The following TUBGCP6 variants were observed in gnomAD, a reference collection of about 807,000 sequenced individuals.
The protein encoded by TUBGCP6 is tubulin gamma complex component 6.
TUBGCP6 carries 161 observed loss-of-function variants against 175.8 expected under a neutral mutation model. That is an observed-to-expected ratio of 0.92 (90% CI 0.81 to 1.04). The LOEUF (loss-of-function observed/expected upper bound fraction) is 1.04, where lower values mean the gene tolerates loss of function less well. TUBGCP6 is among the 50% of genes least tolerant of loss of function. The pLI is 0.00. For missense variants in TUBGCP6, 2,572 were observed against 2,433.0 expected, an observed-to-expected ratio of 1.06 and a Z score of -1.20; for synonymous variants, 1,173 against 1,030.5, an observed-to-expected ratio of 1.14 and a Z score of -2.65.
In TUBGCP6 at chr22:50,240,384, G is replaced by A. The variant is rs767808670; in HGVS notation, c.742-17C>T. ...CGGTGGGACCTGGAGACACAGGGAA[G>A]GGCAAACCGCCACTTATTGCTGTGT... is the stretch of plus-strand genomic sequence containing the variant. On this transcript the variant is annotated splice_polypyrimidine_tract_variant and intron_variant, in intron 1 of 24. Transcript: ENST00000248846. 1 of 1,611,082 alleles carries A rather than the reference G, an allele frequency of 6.2e-7. No individual in the cohort carries two copies. The highest frequency in any genetic ancestry group is 1.7e-5 in the Admixed American group (1 of 59,792).
In TUBGCP6 at chr22:50,221,646, C is replaced by T. The variant is rs1181737386; in HGVS notation, c.2713G>A (p.Gly905Arg). 2 of 1,524,952 alleles carry T rather than the reference C, an allele frequency of 1.3e-6. No individual in the cohort carries two copies. Among genetic ancestry groups the T allele is most frequent in the South Asian group, 1.3e-5 (1 of 76,526 alleles). 94.5% of individuals were successfully genotyped at this position (1,524,952 alleles called of 1,614,324 possible). A position where few individuals can be genotyped will look rare whatever the true frequency, so the allele number is the denominator to read the frequency against. Residue 905 changes from glycine (G) to arginine (R), a missense_variant, in exon 16 of 25, where the codon GGG (glycine) becomes AGG (arginine). Gly to Arg is a moderately radical substitution (Grantham distance 125). Coordinates refer to ENST00000248846, the MANE Select transcript of TUBGCP6 (RefSeq NM_020461.4). ...CCAGTCTGCACGGACGGCTCAGCCC[C>T]TGGGCCCACAGGTAGGAAGTCTCCA... ...SIGDFLPVGP[G>R]AEPSVQTGMV...
In TUBGCP6 at chr22:50,225,583, C is replaced by G. The variant is rs374708044; in HGVS notation, c.1983+211G>C. Among the ~76,000 whole-genome samples the G allele has an allele frequency of 1.6e-3, 154 of 96,306 alleles. 1 individual carries two copies. The highest frequency in any genetic ancestry group is 0.01 in the East Asian group (40 of 3,846). The allele number at this position is 96,306 out of a possible 152,430, so 63.2% of individuals were successfully genotyped here. A position where few individuals can be genotyped will look rare whatever the true frequency, so the allele number is the denominator to read the frequency against. ...CTCCGGACATTCATCTCAGCTCCCC[C>G]TTGGCACCCACCCTTCATCTCAACT... On this transcript the variant is annotated intron_variant, in intron 10 of 24. Transcript: ENST00000248846.
At chr22:50,224,738 C>A in intron 10 of TUBGCP6, 146 bp from the exon 11 acceptor site, 3 of 755,750 alleles carry the variant, frequency 4.0e-6, no homozygotes, top group East Asian at 5.4e-5. Context: ...AAAAACCCAT[C>A]CCTACTAAAA....
chr22:50,232,154 C>T (rs1462023225), intron 3 of TUBGCP6, among the ~76,000 whole-genome samples: 1 of 151,644 alleles, frequency 6.6e-6, no homozygotes, highest in Non-Finnish European at 1.5e-5. Context: ...CACCTCAGGT[C>T]AGGAGTCAAG....
chr22:50,217,965 T>C lies in TUBGCP6; in HGVS notation c.5321A>G (p.Gln1774Arg). ...GAEHPNFALM[Q>R]QSYNTFKYYS... ...GTACTTGAAGGTGTTGTAGGACTGC[T>C]GCATGAGTGCAAAGTTGGGGTGCTC... Residue 1774 changes from glutamine (Q) to arginine (R), a missense_variant, in exon 24 of 25, where the codon CAG (glutamine) becomes CGG (arginine). Gln to Arg is a conservative substitution (Grantham distance 43, BLOSUM62 1). Coordinates refer to ENST00000248846, the MANE Select transcript of TUBGCP6 (RefSeq NM_020461.4). 6.2e-7 allele frequency: 1 copy of C among 1,610,762 alleles called. No homozygotes were observed. The highest frequency in any genetic ancestry group is 8.5e-7 in the Non-Finnish European group (1 of 1,178,822).
At position 50,220,970 on chromosome 22, in the gene TUBGCP6, C is replaced by T. The variant is rs140384240; in HGVS notation, c.3389G>A (p.Arg1130Gln). ...GGACACGTGCCCGTGGGTATTCCAC[C>T]GTGGCCTGGTGGGAGCCACATCTGA... ...NVSDVAPTRP[R>Q]WNTHGHVSNA... is the part of the protein sequence containing the mutation. The change falls in exon 16 of 25, where the codon CGG becomes CAG. Residue 1130 changes from arginine (R) to glutamine (Q), a missense_variant. Coordinates refer to ENST00000248846, the MANE Select transcript of TUBGCP6 (RefSeq NM_020461.4). 6.8e-6 allele frequency: 11 copies of T among 1,607,658 alleles called. No individual in the cohort carries two copies. Among genetic ancestry groups the T allele is most frequent in the South Asian group, 3.3e-5 (3 of 90,752 alleles).
intron 4 of TUBGCP6, 57 bp from the exon 5 acceptor site, chr22:50,228,085 A>C: frequency 6.8e-7 from 1 of 1,465,884 alleles, no homozygotes; most frequent in Non-Finnish European, 9.1e-7. Flanking sequence ...AGCCGTGCCC[A>C]GGGCCTGAGG....
rs1601609998 is a variant in TUBGCP6 at position 50,242,834 on chromosome 22, T to G, written c.741+885A>C. On this transcript the variant is annotated intron_variant, in intron 1 of 24. Coordinates refer to ENST00000248846, the MANE Select transcript of TUBGCP6 (RefSeq NM_020461.4). ...AATTAACTTCAATTTAAACGGCAGCTCTAGAAGGCAGAGGTGGCTTAACGA... is the reference window on the plus strand; with the variant it reads ...AATTAACTTCAATTTAAACGGCAGCGCTAGAAGGCAGAGGTGGCTTAACGA... Among the ~76,000 whole-genome samples the G allele has an allele frequency of 1.3e-5, 2 of 152,130 alleles. 1 individual carries two copies. Among genetic ancestry groups the G allele is most frequent in the South Asian group, 4.1e-4 (2 of 4,828 alleles).
Position 50,225,889 on chromosome 22 carries a change from G to A in TUBGCP6, c.1888C>T (p.Leu630Phe), listed in dbSNP as rs752030111. ...TTCTCAATCTCCTTCAACTCCTCAA[G>A]GGAGAAAATCACCGAGATCCGGGGG... ...PVPRISVIFS[L>F]EELKEIEKDC... Residue 630 changes from leucine to phenylalanine, a missense_variant, in exon 10 of 25, where the codon CTT (leucine) becomes TTT (phenylalanine). Leu to Phe is a conservative substitution (Grantham distance 22). Coordinates refer to ENST00000248846, the MANE Select transcript of TUBGCP6 (RefSeq NM_020461.4). The A allele has an allele frequency of 6.2e-7, 1 of 1,613,738 alleles. No individual in the cohort carries two copies. Among genetic ancestry groups the A allele is most frequent in the Middle Eastern group, 1.6e-4 (1 of 6,062 alleles).
chr22:50,218,011 G>A lies in TUBGCP6; in HGVS notation c.5275C>T (p.Pro1759Ser). Residue 1759 changes from proline (P) to serine (S), a missense_variant, in exon 24 of 25, where the codon CCT becomes TCT. Transcript: ENST00000248846. Reference protein sequence around the residue: ...SQLISQAWGPPGGPRGAEHPN... With the variant: ...SQLISQAWGPSGGPRGAEHPN... ...TGCTCTGCACCCCGCGGGCCCCCAG[G>A]GGGCCCCCAGGCCTGGGAGATGAGC... 2 of 1,612,424 alleles carry A rather than the reference G, an allele frequency of 1.2e-6. No homozygotes were observed. The highest frequency in any genetic ancestry group is 1.7e-6 in the Non-Finnish European group (2 of 1,179,460).
At chr22:50,222,139 G>A (rs1214568396) in intron 14 of TUBGCP6, 37 bp from the exon 15 acceptor site, 3 of 1,603,826 alleles carry the variant, frequency 1.9e-6, no homozygotes, top group Non-Finnish European at 2.6e-6. Flanking sequence ...GGCCAAGCCG[G>A]AGTCAAGCAC....
intron 1 of TUBGCP6, among the ~76,000 whole-genome samples, chr22:50,243,356 G>A (rs1197628690): frequency 6.6e-6 from 1 of 151,986 alleles, no homozygotes; most frequent in African/African-American, 2.4e-5. Flanking sequence ...GGGAGGCTGA[G>A]GTAGGAGAAT....
At chr22:50,226,582 G>T (rs1258450548) in intron 7 of TUBGCP6, 151 bp downstream of exon 7, 3 of 717,562 alleles carry the variant, frequency 4.2e-6, no homozygotes, top group Non-Finnish European at 7.0e-6. Context: ...GGGGCAGGGT[G>T]GGGGGTTGGG....
intron 1 of TUBGCP6, among the ~76,000 whole-genome samples, chr22:50,242,577 A>G (rs933781289): frequency 6.6e-6 from 1 of 152,268 alleles, no homozygotes; most frequent in Non-Finnish European, 1.5e-5. Context: ...GCTATCGCAT[A>G]AGAATAGAAC....
In TUBGCP6 at chr22:50,231,023, A is replaced by G. The variant is rs1189820292; in HGVS notation, c.1117-1446T>C. Among the ~76,000 whole-genome samples, 29 of 140,936 alleles carry G rather than the reference A, an allele frequency of 2.1e-4. No homozygotes were observed. In the Admixed American group the frequency reaches 2.1e-3, roughly 10 times the overall value. The allele number at this position is 140,936 out of a possible 152,430, so 92.5% of individuals were successfully genotyped here. A position where few individuals can be genotyped will look rare whatever the true frequency, so the allele number is the denominator to read the frequency against. On this transcript the variant is annotated intron_variant, in intron 3 of 24. Transcript: ENST00000248846. Reference sequence around the variant, plus strand: ...CTTAAACCCAGGAGGAAGAGGTTGCAGTGAGCTGAGATCACGCCATTGCAC... The same window carrying G: ...CTTAAACCCAGGAGGAAGAGGTTGCGGTGAGCTGAGATCACGCCATTGCAC...
rs976806651 is a variant in TUBGCP6 at position 50,227,985 on chromosome 22, G to A, written c.1334C>T (p.Ala445Val). The change falls in exon 5 of 25, where the codon GCC (alanine) becomes GTC (valine). Residue 445 changes from alanine (A) to valine (V), a missense_variant. Physicochemically the swap from Ala to Val is moderately conservative, Grantham distance 64. Coordinates refer to ENST00000248846, the MANE Select transcript of TUBGCP6 (RefSeq NM_020461.4). The part of the protein sequence containing the change: ...GLRRYLQYYR[A>V]CVLSTPPTLS... Reference sequence around the variant, plus strand: ...GGTGGGCGGAGTGGAAAGGACGCAGGCCCGGTAATACTGCAGGTACCTCCT... The same window carrying A: ...GGTGGGCGGAGTGGAAAGGACGCAGACCCGGTAATACTGCAGGTACCTCCT... 6.4e-7 allele frequency: 1 copy of A among 1,570,926 alleles called. No individual in the cohort carries two copies.
At position 50,218,540 on chromosome 22, in the gene TUBGCP6, C is replaced by G. The variant is rs779532804; in HGVS notation, c.4902G>C (p.Leu1634=). ...CCTTGAGCGCCCACATCATGAGCTT[C>G]AGCTGCAGCAGGAAGGAGAAGACGC... The part of the protein sequence containing the change: ...YSGVFSFLLQ[L]KLMMWALKDV... Residue 1634 remains leucine, a synonymous_variant, in exon 22 of 25, where the codon CTG becomes CTC. Coordinates refer to ENST00000248846, the MANE Select transcript of TUBGCP6 (RefSeq NM_020461.4). 5.3e-5 allele frequency: 86 copies of G among 1,613,694 alleles called. 1 individual carries two copies. The highest frequency in any genetic ancestry group is 8.3e-5 in the Admixed American group (5 of 60,004).
At chr22:50,235,926 C>A in intron 2 of TUBGCP6, among the ~76,000 whole-genome samples, 1 of 137,388 alleles carries the variant, frequency 7.3e-6, no homozygotes, top group African/African-American at 2.7e-5. Context: ...AGCAACAGAG[C>A]AAGACTCCAT....
In TUBGCP6 at chr22:50,222,042, T is replaced by G; in HGVS notation, c.2470A>C (p.Ser824Arg). 6.2e-7 allele frequency: 1 copy of G among 1,613,846 alleles called. No individual in the cohort carries two copies. Among genetic ancestry groups the G allele is most frequent in the Non-Finnish European group, 8.5e-7 (1 of 1,179,986 alleles). Reference sequence around the variant, plus strand: ...CTGCCGCTTACCTGGGGGTGCACGCTCAAGAGGACGTCTGGCGGCTCCTGG... The same window carrying G: ...CTGCCGCTTACCTGGGGGTGCACGCGCAAGAGGACGTCTGGCGGCTCCTGG... ...QPQEPPDVLL[S>R]VHPQVTSPGP... is the part of the protein sequence containing the mutation. The change falls in exon 15 of 25, where the codon AGC (serine) becomes CGC (arginine). Residue 824 changes from serine to arginine, a missense_variant. Transcript: ENST00000248846.
Sources: gnomAD v4.1 joint callset for allele counts (sites outside exome capture counted in the v4.1 genomes callset) on GRCh38, gnomAD v4.1.1 for gene constraint, MANE v1.5 for transcripts, NCBI Gene and HGNC (gene_info 2026-07-23, HGNC 2026-07-21) for gene names.